MGAM2: variants seen among roughly 807,000 people sequenced by gnomAD.
MGAM2 encodes the protein maltase-glucoamylase 2 (putative).
Under a neutral mutation model 96.1 loss-of-function variants are expected in MGAM2, and 98 were observed. The ratio of observed to expected loss-of-function variants is 1.02; its 90% CI spans 0.87 to 1.21. The LOEUF (loss-of-function observed/expected upper bound fraction) is 1.21, where lower values mean the gene tolerates loss of function less well. MGAM2 is among the 50% of genes most tolerant of loss of function. The probability of loss-of-function intolerance (pLI) is 0.00; values close to 1 mark genes in which losing one functional copy is unlikely to be tolerated. For missense variants in MGAM2, 2,055 were observed against 1,182.4 expected, an observed-to-expected ratio of 1.74 and a Z score of -10.82; for synonymous variants, 749 against 414.8, an observed-to-expected ratio of 1.81 and a Z score of -9.79.
intron 43 of MGAM2, 130 bp downstream of exon 43, chr7:142,198,325 G>C: frequency 1.6e-6 from 1 of 614,502 alleles, no homozygotes; most frequent in Non-Finnish European, 2.9e-6. Flanking sequence ...GGCAAGGCTT[G>C]TTTAAATGAA....
intron 45 of MGAM2, among the ~76,000 whole-genome samples, chr7:142,207,223 G>T (rs1465117665): frequency 6.6e-6 from 1 of 152,042 alleles, no homozygotes; most frequent in Non-Finnish European, 1.5e-5. Flanking sequence ...AGAGGTGTGT[G>T]GGCAAAGTGG....
intron 1 of MGAM2, among the ~76,000 whole-genome samples, chr7:142,114,405 T>C (rs766891332): frequency 2.0e-5 from 3 of 152,052 alleles, no homozygotes; most frequent in Non-Finnish European, 4.4e-5. Context: ...GTGGGAGCAT[T>C]TCCAGTGGAA....
chr7:142,143,837 G>A lies in MGAM2; in HGVS notation c.1386G>A (p.Gln462=), dbSNP rs1795307266. 1 of 702,702 alleles carries A rather than the reference G, an allele frequency of 1.4e-6. No individual in the cohort carries two copies. Among genetic ancestry groups the A allele is most frequent in the Non-Finnish European group, 2.6e-6 (1 of 384,892 alleles). 43.5% of individuals were successfully genotyped at this position (702,702 alleles called of 1,614,324 possible). ...TATGCACTGAGTGGTGGACAGATCAGGTCGCTAAATTTCATGATCATCTGG... is the reference window on the plus strand; with the variant it reads ...TATGCACTGAGTGGTGGACAGATCAAGTCGCTAAATTTCATGATCATCTGG... ...NPVCTEWWTD[Q]VAKFHDHLEF... Residue 462 remains glutamine (Q), a synonymous_variant, in exon 13 of 48, where the codon CAG becomes CAA. Coordinates refer to ENST00000477922, the MANE Select transcript of MGAM2 (RefSeq NM_001293626.2).
At chr7:142,206,079 T>C (rs1797391505) in intron 45 of MGAM2, among the ~76,000 whole-genome samples, 1 of 152,176 alleles carries the variant, frequency 6.6e-6, no homozygotes, top group Non-Finnish European at 1.5e-5. Flanking sequence ...GAATTTTTGT[T>C]AAAAATCAAT....
At position 142,220,684 on chromosome 7, in the gene MGAM2, T is replaced by G; in HGVS notation, c.6173T>G (p.Val2058Gly). The change falls in exon 48 of 48, where the codon GTT becomes GGT. Residue 2058 changes from valine to glycine, a missense_variant. Val to Gly is a moderately radical substitution (Grantham distance 109). Transcript: ENST00000477922. The part of the protein sequence containing the change: ...STTSTSTSAT[V>G]PITTTPSPTN... Reference sequence around the variant, plus strand: ...ACTAGTACTAGCACTAGTGCTACTGTTCCTATTACAACCACACCTTCCCCT... The same window carrying G: ...ACTAGTACTAGCACTAGTGCTACTGGTCCTATTACAACCACACCTTCCCCT... The G allele has an allele frequency of 1.4e-6, 1 of 702,310 alleles. No individual in the cohort carries two copies. Among genetic ancestry groups the G allele is most frequent in the South Asian group, 1.5e-5 (1 of 67,594 alleles). 43.5% of individuals were successfully genotyped at this position (702,310 alleles called of 1,614,324 possible).
intron 45 of MGAM2, among the ~76,000 whole-genome samples, chr7:142,205,746 A>G (rs1797383770): frequency 6.6e-6 from 1 of 152,074 alleles, no homozygotes. Context: ...ATTCTCTCTC[A>G]TTTAGCAGGT....
intron 15 of MGAM2, among the ~76,000 whole-genome samples, chr7:142,149,768 C>G (rs2129083368): frequency 6.6e-6 from 1 of 151,906 alleles, no homozygotes; most frequent in South Asian, 2.1e-4. Flanking sequence ...GTCTCCATCT[C>G]CTGACCTCAT....
chr7:142,127,782 A>G (rs938948331), intron 3 of MGAM2, among the ~76,000 whole-genome samples: 1 of 152,184 alleles, frequency 6.6e-6, no homozygotes, highest in African/African-American at 2.4e-5. Context: ...AGGCCTCCCC[A>G]GCCATGTGGA....
intron 14 of MGAM2, among the ~76,000 whole-genome samples, chr7:142,145,243 G>A (rs1207980892): frequency 6.6e-6 from 1 of 152,146 alleles, no homozygotes; most frequent in Non-Finnish European, 1.5e-5. Context: ...TCCCTCAGGT[G>A]TCAATTTTAA....
chr7:142,184,657 A>G (rs571713996), intron 33 of MGAM2, among the ~76,000 whole-genome samples: 6 of 152,356 alleles, frequency 3.9e-5, no homozygotes, highest in African/African-American at 9.6e-5. Context: ...GGAGTCCGCT[A>G]TAAGTCACGA....
rs114478270 is a variant in MGAM2, at chr7:142,165,758, G to T, written c.2653-340G>T. 5.0e-3 allele frequency among the ~76,000 whole-genome samples: 757 copies of T among 152,224 alleles called. 9 individuals are homozygous for T. Among genetic ancestry groups the T allele is most frequent in the African/African-American group, 0.017 (719 of 41,536 alleles). On this transcript the variant is annotated intron_variant, in intron 24 of 47. Transcript: ENST00000477922. Reference sequence around the variant, plus strand: ...TATAAAGTGGTTATCACAGTGCTTGGCTTGTATGAATGCTCCATAAACTTT... The same window carrying T: ...TATAAAGTGGTTATCACAGTGCTTGTCTTGTATGAATGCTCCATAAACTTT...
rs569050105 is a variant in MGAM2, at chr7:142,155,513, T to C, written c.1923+668T>C. Reference sequence around the variant, plus strand: ...ATTGAGTGGTTTAGCTCTTAATAGGTTCATTAGAATAACTTCCTAATGATA... The same window carrying C: ...ATTGAGTGGTTTAGCTCTTAATAGGCTCATTAGAATAACTTCCTAATGATA... On this transcript the variant is annotated intron_variant, in intron 17 of 47. Coordinates refer to ENST00000477922, the MANE Select transcript of MGAM2 (RefSeq NM_001293626.2). Among the ~76,000 whole-genome samples the C allele has an allele frequency of 2.6e-5, 4 of 152,242 alleles. No homozygotes were observed. In the South Asian group the frequency reaches 8.3e-4, roughly 31 times the overall value.
chr7:142,173,711 G>A (rs927325238), intron 31 of MGAM2, among the ~76,000 whole-genome samples: 1 of 152,150 alleles, frequency 6.6e-6, no homozygotes, highest in Admixed American at 6.6e-5. Context: ...AAAGAAGCAA[G>A]TTCTTTTTTT....
In MGAM2 at chr7:142,164,952, G is replaced by T. The variant is rs1795988094; in HGVS notation, c.2581G>T (p.Ala861Ser). The T allele has an allele frequency of 1.0e-5, 7 of 702,648 alleles. No individual in the cohort carries two copies. The highest frequency in any genetic ancestry group is 1.6e-5 in the Non-Finnish European group (6 of 384,900). 43.5% of individuals were successfully genotyped at this position (702,648 alleles called of 1,614,324 possible). ...ITILGMDKQP[A>S]NFIVLLNNVA... is the part of the protein sequence containing the mutation. ...AATCTTGGGAATGGACAAACAGCCA[G>T]CTAATTTTATCGTCCTACTGAATAA... Residue 861 changes from alanine to serine, a missense_variant, in exon 24 of 48, where the codon GCT (alanine) becomes TCT (serine). Physicochemically the swap from Ala to Ser is moderately conservative, Grantham distance 99. Transcript: ENST00000477922.
At chr7:142,190,267 CTTTTT>C (rs58228482) in intron 37 of MGAM2, among the ~76,000 whole-genome samples, 70 of 104,230 alleles carry the variant, frequency 6.7e-4, no homozygotes, top group Non-Finnish European at 8.7e-4. Flanking sequence ...TACCATTTTA[CTTTTT>C]TTTTTTTTTT....
At chr7:142,152,533 T>G (rs1795611097) in intron 15 of MGAM2, among the ~76,000 whole-genome samples, 1 of 152,200 alleles carries the variant, frequency 6.6e-6, no homozygotes, top group African/African-American at 2.4e-5. Context: ...CATTCAGTAT[T>G]TATAGACTCT....
chr7:142,140,504 T>A (rs1053131454), intron 10 of MGAM2, among the ~76,000 whole-genome samples: 16 of 152,200 alleles, frequency 1.1e-4, no homozygotes, highest in Non-Finnish European at 2.2e-4. Flanking sequence ...GTCTGTTTTA[T>A]GTCAAGCATC....
intron 3 of MGAM2, among the ~76,000 whole-genome samples, chr7:142,123,355 T>G (rs1301678570): frequency 6.6e-6 from 1 of 152,150 alleles, no homozygotes; most frequent in African/African-American, 2.4e-5. Flanking sequence ...CTATAGGATA[T>G]GTACATGTTT....
intron 22 of MGAM2, 133 bp downstream of exon 22, chr7:142,161,346 TA>T (rs1244211177): frequency 4.3e-5 from 22 of 511,442 alleles, no homozygotes; most frequent in Middle Eastern, 8.8e-4. Context: ...ATCAACGGGT[TA>T]AAATCCATTC....
Sources: allele counts gnomAD v4.1 joint callset (sites outside exome capture counted in the v4.1 genomes callset), GRCh38; gene constraint gnomAD v4.1.1; transcripts MANE v1.5; gene names NCBI Gene and HGNC (gene_info 2026-07-23, HGNC 2026-07-21).